EFCAB6: variants seen among roughly 807,000 people sequenced by gnomAD.
EFCAB6 encodes the protein EF-hand calcium-binding domain-containing protein 6.
In EFCAB6, 156 loss-of-function variants were observed where a neutral mutation model predicts 169.8. The ratio of observed to expected loss-of-function variants is 0.92; its 90% CI spans 0.81 to 1.05. The LOEUF is 1.05. EFCAB6 is among the 50% of genes least tolerant of loss of function. EFCAB6 has a pLI of 0.00. For missense variants in EFCAB6, 1,800 were observed against 1,829.1 expected (o/e 0.98, Z 0.29); for synonymous variants, 698 against 676.4 (o/e 1.03, Z -0.50).
intron 26 of EFCAB6, among the ~76,000 whole-genome samples, chr22:43,562,237 C>G (rs1371834315): frequency 6.6e-6 from 1 of 152,184 alleles, no homozygotes; most frequent in African/African-American, 2.4e-5. Context: ...CCACCACTAC[C>G]AGAAGGAAAA....
intron 23 of EFCAB6, 99 bp downstream of exon 23, chr22:43,599,970 G>A: frequency 7.9e-7 from 1 of 1,272,724 alleles, no homozygotes; most frequent in African/African-American, 1.5e-5. Context: ...CTGTAACTTT[G>A]CCAGCATGGG....
intron 10 of EFCAB6, among the ~76,000 whole-genome samples, chr22:43,699,368 C>T (rs1436759683): frequency 2.6e-5 from 4 of 152,198 alleles, no homozygotes; most frequent in Non-Finnish European, 5.9e-5. Context: ...ACCCTGTCCT[C>T]GTTCATTTCA....
In EFCAB6 at chr22:43,729,326, G is replaced by T. The variant is rs1603290446; in HGVS notation, c.757+2373C>A. Among the ~76,000 whole-genome samples the T allele has an allele frequency of 3.3e-5, 5 of 152,064 alleles. No homozygotes were observed. The South Asian group carries it at 1.0e-3, about 32-fold the overall frequency. ...GCCTAGGCTGGTCCTTGGACTCCTG[G>T]CCTCAAGTGATCCTCCTGCCTCAGC... On this transcript the variant is annotated intron_variant, in intron 8 of 31. Coordinates refer to ENST00000262726, the MANE Select transcript of EFCAB6 (RefSeq NM_022785.4).
At position 43,531,085 on chromosome 22, in the gene EFCAB6, C is replaced by T. The variant is rs140830170; in HGVS notation, c.4234-121G>A. 24 of 1,328,348 alleles carry T rather than the reference C, an allele frequency of 1.8e-5. No individual in the cohort carries two copies. The East Asian group carries it at 5.7e-4, about 31-fold the overall frequency. 82.3% of individuals were successfully genotyped at this position (1,328,348 alleles called of 1,614,324 possible). ...CTCCGGCTTCACCTCCCAACCTGCTCCGCTGGCTCTGAATCGAGGAGGGAG... is the reference window on the plus strand; with the variant it reads ...CTCCGGCTTCACCTCCCAACCTGCTTCGCTGGCTCTGAATCGAGGAGGGAG... On this transcript the variant is annotated intron_variant, in intron 30 of 31. Transcript: ENST00000262726.
rs1451500055 is a variant in EFCAB6 at position 43,631,752 on chromosome 22, CT to C, written c.2232+352del. 3.9e-5 allele frequency among the ~76,000 whole-genome samples: 6 copies of C among 152,174 alleles called. No individual in the cohort carries two copies. In the South Asian group the frequency reaches 1.0e-3, roughly 26 times the overall value. Reference sequence around the variant, plus strand: ...TCTAGCACATAGTAAGTGTATAACACTTGTTTGGTGGGTGAATGGATGAGGG... The same window carrying C: ...TCTAGCACATAGTAAGTGTATAACACTGTTTGGTGGGTGAATGGATGAGGG... On this transcript the variant is annotated intron_variant, in intron 19 of 31. Transcript: ENST00000262726.
At chr22:43,543,027 T>G (rs1368084741) in intron 27 of EFCAB6, among the ~76,000 whole-genome samples, 1 of 152,048 alleles carries the variant, frequency 6.6e-6, no homozygotes, top group Non-Finnish European at 1.5e-5. Flanking sequence ...TGTAGAAAAG[T>G]GGCAACAGAG....
At chr22:43,544,255 C>G (rs1340298775) in intron 27 of EFCAB6, among the ~76,000 whole-genome samples, 1 of 152,156 alleles carries the variant, frequency 6.6e-6, no homozygotes, top group Non-Finnish European at 1.5e-5. Flanking sequence ...TAATCTTACC[C>G]CATACTTCAT....
chr22:43,755,788 A>G lies in EFCAB6; in HGVS notation c.485T>C (p.Leu162Pro). ...TACCTTTTCTCCCACTTGGATTTCA[A>G]GTTCTCTTAATGTGCGGCAGCAATT... ...EMNCCRTLRELEIQVGEKVFK... is the reference protein window; with the variant it reads ...EMNCCRTLREPEIQVGEKVFK... Residue 162 changes from leucine to proline, a missense_variant, in exon 6 of 32, where the codon CTT becomes CCT. Leu to Pro is a moderately conservative substitution (Grantham distance 98). Transcript: ENST00000262726. The G allele has an allele frequency of 6.2e-7, 1 of 1,607,056 alleles. No homozygotes were observed. The highest frequency in any genetic ancestry group is 8.5e-7 in the Non-Finnish European group (1 of 1,178,022).
chr22:43,690,542 G>A (rs534475813), intron 10 of EFCAB6, among the ~76,000 whole-genome samples: 2 of 148,116 alleles, frequency 1.4e-5, no homozygotes, highest in South Asian at 2.1e-4. Context: ...ATGCAAATCC[G>A]ACCAGATTAC....
At chr22:43,777,089 G>A (rs1416895165) in intron 3 of EFCAB6, among the ~76,000 whole-genome samples, 3 of 152,134 alleles carry the variant, frequency 2.0e-5, no homozygotes, top group Non-Finnish European at 4.4e-5. Context: ...TTTTGCTGAT[G>A]GATTGGCTGA....
intron 2 of EFCAB6, among the ~76,000 whole-genome samples, chr22:43,793,187 A>C (rs2062373122): frequency 1.3e-5 from 2 of 152,222 alleles, no homozygotes; most frequent in South Asian, 4.1e-4. Context: ...ACAGCATGAA[A>C]AAAAAATAAT....
At chr22:43,593,571 T>C (rs532116793) in intron 23 of EFCAB6, among the ~76,000 whole-genome samples, 1 of 152,316 alleles carries the variant, frequency 6.6e-6, no homozygotes, top group East Asian at 1.9e-4. Context: ...ACTTCGAATT[T>C]CACAAACTCA....
chr22:43,577,017 C>T (rs1394002678), intron 25 of EFCAB6, among the ~76,000 whole-genome samples: 2 of 152,142 alleles, frequency 1.3e-5, no homozygotes, highest in African/African-American at 4.8e-5. Context: ...TGACCCCACC[C>T]CTGTCCTTCA....
intron 27 of EFCAB6, among the ~76,000 whole-genome samples, chr22:43,550,599 T>C (rs1013284138): frequency 2.0e-5 from 3 of 149,082 alleles, no homozygotes; most frequent in Admixed American, 6.8e-5. Context: ...TTGAACCCGA[T>C]AGGCAGAGGT....
rs77727901 is a variant in EFCAB6 at position 43,615,347 on chromosome 22, T to C, written c.2562+479A>G. 6.4e-3 allele frequency among the ~76,000 whole-genome samples: 979 copies of C among 152,302 alleles called. 10 individuals carry two copies. The highest frequency in any genetic ancestry group is 0.034 in the Middle Eastern group (10 of 294). ...AATACCATAATCACAGTTCACAGGA[T>C]TGCACGTGGAGGGTATCCACCCTGT... On this transcript the variant is annotated intron_variant, in intron 21 of 31. Transcript: ENST00000262726.
chr22:43,623,677 C>T (rs1042552274), intron 20 of EFCAB6, among the ~76,000 whole-genome samples: 7 of 147,604 alleles, frequency 4.7e-5, no homozygotes, highest in South Asian at 4.3e-4. Flanking sequence ...GGGCGTATCA[C>T]GAGGTCAGGA....
At chr22:43,757,901 A>G (rs962623547) in intron 5 of EFCAB6, among the ~76,000 whole-genome samples, 1 of 152,192 alleles carries the variant, frequency 6.6e-6, no homozygotes, top group South Asian at 2.1e-4. Flanking sequence ...CCTTAGATTA[A>G]TATTGAATGG....
At chr22:43,621,613 T>A (rs1322600253) in intron 20 of EFCAB6, among the ~76,000 whole-genome samples, 1 of 151,630 alleles carries the variant, frequency 6.6e-6, no homozygotes, top group Non-Finnish European at 1.5e-5. Context: ...ATGACTCAAA[T>A]AAAAACTATG....
In EFCAB6 at chr22:43,678,013, T is replaced by A. The variant is rs746205748; in HGVS notation, c.1402A>T (p.Ile468Phe). The change falls in exon 13 of 32, where the codon ATT (isoleucine) becomes TTT (phenylalanine). Residue 468 changes from isoleucine to phenylalanine, a missense_variant. Ile to Phe is a conservative substitution (Grantham distance 21). Transcript: ENST00000262726. ...AAACTCACCCTACAGTTCTCTTCAA[T>A]CAGATCAATAAACATGCTGGTGTTG... is the stretch of plus-strand genomic sequence containing the variant. ...VVNTSMFIDL[I>F]EENCRMRKTS... 1.2e-6 allele frequency: 2 copies of A among 1,613,728 alleles called. No individual in the cohort carries two copies. The highest frequency in any genetic ancestry group is 1.1e-5 in the South Asian group (1 of 91,030).
Sources: allele counts gnomAD v4.1 joint callset (sites outside exome capture counted in the v4.1 genomes callset), GRCh38; gene constraint gnomAD v4.1.1; transcripts MANE v1.5; gene names NCBI Gene and HGNC (gene_info 2026-07-23, HGNC 2026-07-21).